Variants in TEX11 observed in about 807,000 individuals in gnomAD.
TEX11 encodes testis-expressed protein 11.
A neutral mutation model predicts 84.4 loss-of-function variants in TEX11; 7 were observed. The observed-to-expected ratio is 0.08, with a 90% CI of 0.05 to 0.16. The LOEUF is 0.16. Ranked by LOEUF, TEX11 falls within the 10% of genes least tolerant of loss-of-function variation. TEX11 has a pLI of 1.00. For missense variants in TEX11, 551 were observed against 660.5 expected, an observed-to-expected ratio of 0.83 and a Z score of 1.82; for synonymous variants, 264 against 222.8, an observed-to-expected ratio of 1.18 and a Z score of -1.64.
chrX:70,513,214 G>A, the TEX11 span, among the ~76,000 whole-genome samples: 5 of 106,129 alleles, frequency 4.7e-5, no homozygotes, highest in Admixed American at 1.0e-4. Flanking sequence ...TTAGCCAGGC[G>A]TGGTGGGGGG....
rs188624391 is a variant in TEX11 at position 70,730,494 on chromosome X, G to A, written c.844-5151C>T. Among the ~76,000 whole-genome samples, 345 of 111,468 alleles carry A rather than the reference G, an allele frequency of 3.1e-3. 3 individuals carry two copies. Among genetic ancestry groups the A allele is most frequent in the African/African-American group, 0.011 (331 of 30,702 alleles). ...AAATGGAAAACAAACAAAGGCAGGG[G>A]TTGCAATCTTACTCTCTGATAATAC... is the stretch of plus-strand genomic sequence containing the variant. On this transcript the variant is annotated intron_variant, in intron 11 of 29. Transcript: ENST00000374333.
At chrX:70,579,730 C>T (rs1456540715) in intron 25 of TEX11, among the ~76,000 whole-genome samples, 1 of 111,840 alleles carries the variant, frequency 8.9e-6, no homozygotes, top group Non-Finnish European at 1.9e-5. Flanking sequence ...GAATGGCAAA[C>T]AGGCAACTGA....
chrX:70,758,831 C>G, intron 9 of TEX11, among the ~76,000 whole-genome samples: 1 of 111,414 alleles, frequency 9.0e-6, no homozygotes, highest in East Asian at 2.8e-4. Flanking sequence ...AATCCAGGAG[C>G]TGGTTTCTTG....
At chrX:70,617,084 T>C (rs1185216564) in intron 20 of TEX11, among the ~76,000 whole-genome samples, 1 of 110,974 alleles carries the variant, frequency 9.0e-6, no homozygotes, top group Non-Finnish European at 1.9e-5. Context: ...AAGTGATTAT[T>C]ACACATTGTA....
chrX:70,517,356 C>G, the TEX11 span, among the ~76,000 whole-genome samples: 1 of 111,774 alleles, frequency 8.9e-6, no homozygotes, highest in African/African-American at 3.3e-5. Context: ...TGTCAAAGGC[C>G]TTTTCTGCAT....
chrX:70,886,095 TA>T (rs1167301113), intron 2 of TEX11, among the ~76,000 whole-genome samples: 1 of 111,092 alleles, frequency 9.0e-6, no homozygotes, highest in Non-Finnish European at 1.9e-5. Flanking sequence ...TCTGGGTATT[TA>T]TCCACATGAA....
Position 70,624,841 on chromosome X carries a change from T to A in TEX11, c.1692A>T (p.Val564=). The A allele has an allele frequency of 8.3e-7, 1 of 1,199,897 alleles. No individual in the cohort carries two copies. The highest frequency in any genetic ancestry group is 1.1e-6 in the Non-Finnish European group (1 of 886,506). Residue 564 remains valine (V), a splice_region_variant and synonymous_variant, in exon 19 of 30, where the codon GTA becomes GTT. Coordinates refer to ENST00000374333, the MANE Select transcript of TEX11 (RefSeq NM_031276.3). ...TCCACAGGATGTAGGTTACTTACTTTACAGCTGTAAGAACTTGTTCCTGGT... is the reference window on the plus strand; with the variant it reads ...TCCACAGGATGTAGGTTACTTACTTAACAGCTGTAAGAACTTGTTCCTGGT... ...SEDQEQVLTA[V]KCLLRFLLPK...
At position 70,539,019 on chromosome X, in the gene TEX11, A is replaced by AATATATATAT. The variant is rs971242983; in HGVS notation, c.2521-9030_2521-9021dup. On this transcript the variant is annotated intron_variant, in intron 28 of 29. Coordinates refer to ENST00000374333, the MANE Select transcript of TEX11 (RefSeq NM_031276.3). Reference sequence around the variant, plus strand: ...TTAATGTGCATACAAGACACTTGGAAATATATATATATATATATATTTTTT... The same window carrying AATATATATAT: ...TTAATGTGCATACAAGACACTTGGAAATATATATATATATATATATATATATATATTTTTT... Among the ~76,000 whole-genome samples, 169 of 47,825 alleles carry AATATATATAT rather than the reference A, an allele frequency of 3.5e-3. 5 individuals are homozygous for AATATATATAT. The highest frequency in any genetic ancestry group is 0.029 in the Middle Eastern group (1 of 34). The allele number at this position is 47,825 out of a possible 115,157, so 41.5% of individuals were successfully genotyped here. A position where few individuals can be genotyped will look rare whatever the true frequency, so the allele number is the denominator to read the frequency against.
At chrX:70,802,329 T>C (rs1256013639) in intron 9 of TEX11, among the ~76,000 whole-genome samples, 2 of 111,299 alleles carry the variant, frequency 1.8e-5, no homozygotes, top group African/African-American at 3.3e-5. Context: ...TCAGTGAAAT[T>C]TGAACAATGT....
At chrX:70,628,098 C>T (rs1047216303) in intron 18 of TEX11, among the ~76,000 whole-genome samples, 3 of 109,813 alleles carry the variant, frequency 2.7e-5, no homozygotes, top group Non-Finnish European at 3.8e-5. Context: ...GTGTGGCTGG[C>T]GCACACCTGT....
chrX:70,679,907 G>A (rs2090125949), intron 14 of TEX11, among the ~76,000 whole-genome samples: 1 of 86,856 alleles, frequency 1.2e-5, no homozygotes, highest in African/African-American at 3.9e-5. Flanking sequence ...CCCCTACTGG[G>A]AAGTGAGGAG....
intron 9 of TEX11, among the ~76,000 whole-genome samples, chrX:70,788,562 A>C (rs1282606762): frequency 3.6e-5 from 4 of 110,063 alleles, no homozygotes; most frequent in Non-Finnish European, 7.6e-5. Flanking sequence ...TACAAAAAAA[A>C]CCAATACTTC....
Position 70,548,257 on chromosome X carries a change from G to A in TEX11, c.2520+3869C>T, listed in dbSNP as rs1202581147. Among the ~76,000 whole-genome samples the A allele has an allele frequency of 8.4e-5, 9 of 107,459 alleles. No homozygotes were observed. In the South Asian group the frequency reaches 1.3e-3, roughly 15 times the overall value. 93.3% of individuals were successfully genotyped at this position (107,459 alleles called of 115,157 possible). ...CATAGGAAGGGGAACATCACACACC[G>A]GGGCCTGTTGTGGGGTGGGGGGAGT... On this transcript the variant is annotated intron_variant, in intron 28 of 29. Coordinates refer to ENST00000374333, the MANE Select transcript of TEX11 (RefSeq NM_031276.3).
intron 16 of TEX11, among the ~76,000 whole-genome samples, chrX:70,656,442 G>GA (rs1202471376): frequency 1.3e-3 from 137 of 107,976 alleles, no homozygotes; most frequent in South Asian, 3.6e-3. Context: ...TAGGTAGGAA[G>GA]AAAAAAAAAC....
intron 12 of TEX11, chrX:70,724,037 T>A: frequency 5.0e-5 from 37 of 734,616 alleles, no homozygotes; most frequent in Non-Finnish European, 6.0e-5. Context: ...AATCTGTGAA[T>A]AAAGAACAAT....
chrX:70,570,124 C>A (rs2088569163), intron 25 of TEX11, among the ~76,000 whole-genome samples: 1 of 111,893 alleles, frequency 8.9e-6, no homozygotes, highest in African/African-American at 3.2e-5. Flanking sequence ...GCACCCCTCC[C>A]CCGGCCTCGC....
At chrX:70,513,421 AAT>A in the TEX11 span, among the ~76,000 whole-genome samples, 31 of 105,582 alleles carry the variant, frequency 2.9e-4, 1 homozygote, top group African/African-American at 4.9e-4. Context: ...AATGAAATGA[AAT>A]ATATATATAA....
chrX:70,523,117 T>TA, the TEX11 span, among the ~76,000 whole-genome samples: 1 of 110,611 alleles, frequency 9.0e-6, no homozygotes, highest in Non-Finnish European at 1.9e-5. Context: ...TAAGCACATG[T>TA]AAAAAAAATG....
At chrX:70,708,889 A>T (rs55803444) in intron 13 of TEX11, among the ~76,000 whole-genome samples, 2 of 108,565 alleles carry the variant, frequency 1.8e-5, no homozygotes, top group African/African-American at 6.7e-5. Flanking sequence ...ACTAGGCTGC[A>T]TATGTGTCCC....
Sources: gnomAD v4.1 joint callset for allele counts (sites outside exome capture counted in the v4.1 genomes callset) on GRCh38, gnomAD v4.1.1 for gene constraint, MANE v1.5 for transcripts, NCBI Gene and HGNC (gene_info 2026-07-23, HGNC 2026-07-21) for gene names.